DGCR2: variants seen among roughly 807,000 people sequenced by gnomAD.
The protein encoded by DGCR2 is integral membrane protein DGCR2/IDD.
In DGCR2, 24 loss-of-function variants were observed where a neutral mutation model predicts 51.6. The ratio of observed to expected loss-of-function variants is 0.47; its 90% CI spans 0.34 to 0.65. The LOEUF is 0.65. DGCR2 is among the 30% of genes least tolerant of loss of function. DGCR2 has a pLI of 0.01. For synonymous variants in DGCR2, 340 were observed against 315.4 expected (o/e 1.08, Z -0.82); for missense variants, 765 against 772.1 (o/e 0.99, Z 0.11).
In DGCR2 at chr22:19,084,852, G is replaced by C. The variant is rs1466635419; in HGVS notation, c.202+4516C>G. On this transcript the variant is annotated intron_variant, in intron 2 of 9. Coordinates refer to ENST00000263196, the MANE Select transcript of DGCR2 (RefSeq NM_005137.3). ...GGCCAGCCGCCCCGTCCGGGAGGTGGGGGGCGCCTCTGCCCAGCCGCCCCT... is the reference window on the plus strand; with the variant it reads ...GGCCAGCCGCCCCGTCCGGGAGGTGCGGGGCGCCTCTGCCCAGCCGCCCCT... 4.2e-4 allele frequency among the ~76,000 whole-genome samples: 63 copies of C among 150,252 alleles called. 1 individual carries two copies. The highest frequency in any genetic ancestry group is 1.5e-3 in the African/African-American group (62 of 40,942).
chr22:19,063,206 G>T lies in DGCR2; in HGVS notation c.621C>A (p.Phe207Leu), dbSNP rs200855191. 2 of 1,614,064 alleles carry T rather than the reference G, an allele frequency of 1.2e-6. No individual in the cohort carries two copies. Among genetic ancestry groups the T allele is most frequent in the Non-Finnish European group, 1.7e-6 (2 of 1,179,970 alleles). Residue 207 changes from phenylalanine (F) to leucine (L), a missense_variant, in exon 5 of 10, where the codon TTC becomes TTA. Coordinates refer to ENST00000263196, the MANE Select transcript of DGCR2 (RefSeq NM_005137.3). ...CCACACACCAGAAGGGCTCACCTTT[G>T]AATGCCACCTCCCAGCGACCTTCCA... is the stretch of plus-strand genomic sequence containing the variant. ...RSLEGRWEVA[F>L]KGSSEVFLPP...
intron 5 of DGCR2, among the ~76,000 whole-genome samples, chr22:19,059,646 A>G (rs1415522018): frequency 6.6e-6 from 1 of 151,964 alleles, no homozygotes; most frequent in Non-Finnish European, 1.5e-5. Flanking sequence ...CCTCACCTCG[A>G]CAGGGTGGCG....
chr22:19,062,800 C>CTCTCTCTCTCTATCTA (rs1569052995), intron 5 of DGCR2, among the ~76,000 whole-genome samples: 1 of 146,030 alleles, frequency 6.8e-6, no homozygotes, highest in Non-Finnish European at 1.6e-5. Context: ...CTCTCTCTCT[C>CTCTCTCTCTCTATCTA]TCTCTCTATC....
intron 2 of DGCR2, among the ~76,000 whole-genome samples, chr22:19,076,108 C>T (rs867242026): frequency 3.3e-5 from 5 of 151,052 alleles, no homozygotes; most frequent in South Asian, 2.1e-4. Context: ...AACAGGCGTG[C>T]GCCATGACGC....
intron 1 of DGCR2, 137 bp downstream of exon 1, chr22:19,121,991 C>A (rs1000660394): frequency 1.5e-5 from 7 of 454,752 alleles, no homozygotes; most frequent in Non-Finnish European, 2.3e-5. Flanking sequence ...TGCCAGGCGG[C>A]CCGCGAGCCA....
At chr22:19,041,693 G>A (rs545593941) in intron 8 of DGCR2, 114 bp downstream of exon 8, 3 of 1,219,368 alleles carry the variant, frequency 2.5e-6, no homozygotes, top group South Asian at 2.9e-5. Context: ...CACAACATGT[G>A]GCCTTCAAAC....
At chr22:19,088,865 T>G (rs1164876032) in intron 2 of DGCR2, among the ~76,000 whole-genome samples, 2 of 152,186 alleles carry the variant, frequency 1.3e-5, no homozygotes, top group African/African-American at 4.8e-5. Flanking sequence ...TTAGCCTTTT[T>G]GTGGCCTTTC....
intron 2 of DGCR2, among the ~76,000 whole-genome samples, chr22:19,071,594 C>T (rs1165050695): frequency 1.3e-5 from 2 of 152,134 alleles, no homozygotes; most frequent in East Asian, 1.9e-4. Flanking sequence ...TCATGAAAGA[C>T]GCCCAAAGCC....
In DGCR2 at chr22:19,122,178, A is replaced by C. The variant is rs372364581; in HGVS notation, c.29T>G (p.Phe10Cys). The change falls in exon 1 of 10, where the codon TTC becomes TGC. Residue 10 changes from phenylalanine to cysteine, a missense_variant. Physicochemically the swap from Phe to Cys is radical, Grantham distance 205 (BLOSUM62 -2). Coordinates refer to ENST00000263196, the MANE Select transcript of DGCR2 (RefSeq NM_005137.3). Reference sequence around the variant, plus strand: ...GAGCACGAGCAGGAAGAGCAGCAGGAAGGCGCCGCTGTCTGCCTTGGGCAC... The same window carrying C: ...GAGCACGAGCAGGAAGAGCAGCAGGCAGGCGCCGCTGTCTGCCTTGGGCAC... Reference protein sequence around the residue: MVPKADSGAFLLLFLLVLTV... With the variant: MVPKADSGACLLLFLLVLTV... The C allele has an allele frequency of 7.9e-6, 12 of 1,511,402 alleles. No homozygotes were observed. Among genetic ancestry groups the C allele is most frequent in the Non-Finnish European group, 9.7e-6 (11 of 1,129,502 alleles). 93.6% of individuals were successfully genotyped at this position (1,511,402 alleles called of 1,614,324 possible).
intron 1 of DGCR2, among the ~76,000 whole-genome samples, chr22:19,101,060 G>A (rs564170574): frequency 7.2e-5 from 11 of 151,902 alleles, no homozygotes; most frequent in South Asian, 2.1e-4. Flanking sequence ...GCAGTGAGCC[G>A]AGACTGCGCC....
chr22:19,065,320 T>C (rs967261362), intron 3 of DGCR2: 1 of 501,170 alleles, frequency 2.0e-6, no homozygotes, highest in African/African-American at 1.9e-5. Context: ...ATTTATTCAC[T>C]AGTCAAGAAC....
At chr22:19,078,575 A>G (rs1415635505) in intron 2 of DGCR2, among the ~76,000 whole-genome samples, 1 of 152,204 alleles carries the variant, frequency 6.6e-6, no homozygotes, top group Non-Finnish European at 1.5e-5. Flanking sequence ...TTGATTAATT[A>G]CTGTGGGCAA....
At chr22:19,102,754 G>C (rs2525039) in intron 1 of DGCR2, among the ~76,000 whole-genome samples, 62,258 of 151,462 alleles carry the variant, frequency 0.41, 13,174 homozygotes, top group African/African-American at 0.53. Context: ...GCCTGTAATC[G>C]CAGAACTTTG....
rs1188202019 is a variant in DGCR2, at chr22:19,122,223, G to A, written c.-17C>T. The A allele has an allele frequency of 1.5e-6, 2 of 1,373,576 alleles. No individual in the cohort carries two copies. The highest frequency in any genetic ancestry group is 2.6e-5 in the Admixed American group (1 of 39,172). The allele number at this position is 1,373,576 out of a possible 1,614,324, so 85.1% of individuals were successfully genotyped here. A position where few individuals can be genotyped will look rare whatever the true frequency, so the allele number is the denominator to read the frequency against. ...GGGCACCATTTATCCTCCGTTCATCGTCCCCGGGGCGGCTGGAAGGCCGGA... is the reference window on the plus strand; with the variant it reads ...GGGCACCATTTATCCTCCGTTCATCATCCCCGGGGCGGCTGGAAGGCCGGA... On this transcript the variant is annotated 5_prime_UTR_variant, in exon 1 of 10. It adds an upstream start codon to the 5' untranslated region. Coordinates refer to ENST00000263196, the MANE Select transcript of DGCR2 (RefSeq NM_005137.3).
intron 5 of DGCR2, among the ~76,000 whole-genome samples, chr22:19,059,742 G>A (rs1019310536): frequency 2.0e-5 from 3 of 152,094 alleles, no homozygotes; most frequent in Non-Finnish European, 2.9e-5. Context: ...GCCGTCACCA[G>A]CCACCGGAGG....
chr22:19,110,748 T>A (rs1399508548), intron 1 of DGCR2, among the ~76,000 whole-genome samples: 2 of 152,120 alleles, frequency 1.3e-5, no homozygotes, highest in Non-Finnish European at 2.9e-5. Context: ...GCTGCCCATG[T>A]TTCAAATACC....
At chr22:19,040,987 A>C in intron 9 of DGCR2, 71 bp downstream of exon 9, 2 of 1,360,178 alleles carry the variant, frequency 1.5e-6, no homozygotes, top group South Asian at 2.8e-5. Context: ...CAGCTGGGCA[A>C]GAGTGCTGGG....
At chr22:19,114,336 C>A (rs1312916628) in intron 1 of DGCR2, among the ~76,000 whole-genome samples, 1 of 152,240 alleles carries the variant, frequency 6.6e-6, no homozygotes, top group Admixed American at 6.5e-5. Flanking sequence ...AGATCTTCTA[C>A]ACCCTTGGGC....
chr22:19,046,086 G>C (rs1242367929), intron 7 of DGCR2: 2 of 152,132 alleles, frequency 1.3e-5, no homozygotes, highest in Non-Finnish European at 2.9e-5. Flanking sequence ...TAGAATTTTG[G>C]TTGGGATTAT....
Sources: allele counts gnomAD v4.1 joint callset (sites outside exome capture counted in the v4.1 genomes callset), GRCh38; gene constraint gnomAD v4.1.1; transcripts MANE v1.5; gene names NCBI Gene and HGNC (gene_info 2026-07-23, HGNC 2026-07-21).